Variants in MAF observed in about 807,000 individuals in gnomAD.
MAF encodes the protein transcription factor Maf.
MAF carries 10 observed loss-of-function variants against 22.0 expected under a neutral mutation model. The observed-to-expected ratio is 0.45, with a 90% CI of 0.28 to 0.77. MAF has a LOEUF of 0.77. Among genes scored for constraint, MAF ranks in the 30% least tolerant of loss-of-function variants. The pLI is 0.12. For synonymous variants in MAF, 337 were observed against 255.8 expected, an observed-to-expected ratio of 1.32 and a Z score of -3.03; for missense variants, 544 against 548.4, an observed-to-expected ratio of 0.99 and a Z score of 0.08.
the MAF span, among the ~76,000 whole-genome samples, chr16:79,563,654 G>A: frequency 6.6e-6 from 1 of 152,010 alleles, no homozygotes. Flanking sequence ...AAATGAGGCT[G>A]TTACAAAATT....
At chr16:79,328,902 A>G in the MAF span, among the ~76,000 whole-genome samples, 23,883 of 152,114 alleles carry the variant, frequency 0.16, 1,993 homozygotes, top group Non-Finnish European at 0.18. Flanking sequence ...TGTTGCTTGT[A>G]TTAGTGCTAA....
At chr16:79,563,932 T>G in the MAF span, among the ~76,000 whole-genome samples, 1 of 152,244 alleles carries the variant, frequency 6.6e-6, no homozygotes, top group Non-Finnish European at 1.5e-5. Flanking sequence ...CTGTGATCAT[T>G]TTTGGATGTT....
the MAF span, among the ~76,000 whole-genome samples, chr16:79,534,239 A>T: frequency 1.3e-5 from 2 of 152,176 alleles, no homozygotes; most frequent in African/African-American, 4.8e-5. Flanking sequence ...AATGTCATTT[A>T]TTATTTTTTC....
the MAF span, among the ~76,000 whole-genome samples, chr16:79,433,009 C>A: frequency 6.6e-6 from 1 of 152,292 alleles, no homozygotes; most frequent in African/African-American, 2.4e-5. Context: ...CAAACTAATA[C>A]ACCAGGTAAG....
chr16:79,505,852 G>A, the MAF span: 3 of 152,288 alleles, frequency 2.0e-5, no homozygotes, highest in Non-Finnish European at 2.9e-5. Flanking sequence ...AGATATTCAC[G>A]TGGCAGTGAC....
chr16:79,235,260 C>T, the MAF span, among the ~76,000 whole-genome samples: 6 of 151,756 alleles, frequency 4.0e-5, no homozygotes, highest in South Asian at 2.1e-4. Context: ...GTTTGGCACA[C>T]GGGACTATAA....
chr16:79,312,757 A>G, the MAF span, among the ~76,000 whole-genome samples: 5 of 152,294 alleles, frequency 3.3e-5, no homozygotes, highest in East Asian at 5.8e-4. Context: ...TTGGAAGAGA[A>G]CATGCCTTCC....
the MAF span, among the ~76,000 whole-genome samples, chr16:79,569,496 A>G: frequency 6.6e-6 from 1 of 152,186 alleles, no homozygotes; most frequent in African/African-American, 2.4e-5. Context: ...AAGTGCTCAA[A>G]TGTGGTCCCT....
chr16:79,490,548 G>A, the MAF span, among the ~76,000 whole-genome samples: 1 of 152,098 alleles, frequency 6.6e-6, no homozygotes, highest in Admixed American at 6.6e-5. Flanking sequence ...TATATGCACT[G>A]ACATAAACAG....
At chr16:79,414,848 A>G in the MAF span, among the ~76,000 whole-genome samples, 1 of 152,254 alleles carries the variant, frequency 6.6e-6, no homozygotes, top group Non-Finnish European at 1.5e-5. Context: ...TTGTAGGACC[A>G]GGGAACTCCT....
At chr16:79,584,950 C>T (rs1394426909), downstream of MAF, among the ~76,000 whole-genome samples, 6 of 152,258 alleles carry the variant, frequency 3.9e-5, no homozygotes, top group African/African-American at 7.2e-5. Context: ...GGATCCTTAA[C>T]GTACCTCCTT....
the MAF span, among the ~76,000 whole-genome samples, chr16:79,228,893 C>T: frequency 4.0e-5 from 6 of 151,774 alleles, no homozygotes; most frequent in Non-Finnish European, 8.8e-5. Context: ...GAATGGTACC[C>T]CAGTTCCTCC....
chr16:79,326,730 A>T, the MAF span, among the ~76,000 whole-genome samples: 1 of 152,178 alleles, frequency 6.6e-6, no homozygotes, highest in Non-Finnish European at 1.5e-5. Flanking sequence ...TGTTCCAATA[A>T]AACTTTATTT....
the MAF span, among the ~76,000 whole-genome samples, chr16:79,455,360 G>C: frequency 6.6e-6 from 1 of 152,072 alleles, no homozygotes; most frequent in Non-Finnish European, 1.5e-5. Context: ...TTTATTTTGT[G>C]CCATGAATTA....
the MAF span, among the ~76,000 whole-genome samples, chr16:79,412,299 C>T: frequency 6.6e-6 from 1 of 152,124 alleles, no homozygotes; most frequent in Non-Finnish European, 1.5e-5. Context: ...GTATGATTAC[C>T]GTGGTACCAG....
chr16:79,450,174 G>A, the MAF span, among the ~76,000 whole-genome samples: 2 of 152,190 alleles, frequency 1.3e-5, no homozygotes, highest in East Asian at 3.8e-4. Flanking sequence ...AGAGTAACGA[G>A]TAAAGTGTTG....
chr16:79,209,733 A>G, the MAF span, among the ~76,000 whole-genome samples: 1 of 152,314 alleles, frequency 6.6e-6, no homozygotes, highest in South Asian at 2.1e-4. Flanking sequence ...GAGCATCTCA[A>G]TTCTCCAATT....
chr16:79,284,007 TTG>T, the MAF span, among the ~76,000 whole-genome samples: 2 of 2,060 alleles, frequency 9.7e-4, 1 homozygote, highest in East Asian at 0.05. Flanking sequence ...ATAGTAGTGA[TTG>T]ATGGCAGAAC....
At chr16:79,568,865 C>A in the MAF span, among the ~76,000 whole-genome samples, 1 of 152,220 alleles carries the variant, frequency 6.6e-6, no homozygotes, top group Admixed American at 6.5e-5. Context: ...AGGGGCTTTA[C>A]GTAGATTATC....
Sources: gnomAD v4.1 joint callset for allele counts (sites outside exome capture counted in the v4.1 genomes callset) on GRCh38, gnomAD v4.1.1 for gene constraint, MANE v1.5 for transcripts, NCBI Gene and HGNC (gene_info 2026-07-23, HGNC 2026-07-21) for gene names.